The following MCM3 variants were observed in gnomAD, a reference collection of about 807,000 sequenced individuals.
The protein encoded by MCM3 is DNA replication licensing factor MCM3.
MCM3 carries 59 observed loss-of-function variants against 91.3 expected under a neutral mutation model. The observed-to-expected ratio is 0.65, with a 90% CI of 0.52 to 0.80. The LOEUF (loss-of-function observed/expected upper bound fraction) is 0.80. Ranked by LOEUF, MCM3 falls within the 30% of genes least tolerant of loss-of-function variation. MCM3 has a pLI of 0.00. For synonymous variants in MCM3, 383 were observed against 379.6 expected (o/e 1.01, Z -0.10); for missense variants, 919 against 1,035.4 (o/e 0.89, Z 1.54).
At chr6:52,274,343 G>A (rs1430955148) in intron 9 of MCM3, among the ~76,000 whole-genome samples, 2 of 152,118 alleles carry the variant, frequency 1.3e-5, no homozygotes, top group Non-Finnish European at 2.9e-5. Flanking sequence ...GAAGATACAA[G>A]TAAAACCTCA....
Position 52,266,588 on chromosome 6 carries a change from C to G in MCM3, c.2158+23G>C, listed in dbSNP as rs1190797254. The stretch of plus-strand genomic sequence containing the variant: ...CAAGAGTCACAGGAACAACCTCTTT[C>G]ATCAGTAAGTGGGCTCACTCACCTT... On this transcript the variant is annotated intron_variant, in intron 15 of 16. Coordinates refer to ENST00000596288, the MANE Select transcript of MCM3 (RefSeq NM_002388.6). The G allele has an allele frequency of 1.9e-6, 3 of 1,604,072 alleles. No individual in the cohort carries two copies. In the African/African-American group the frequency reaches 4.0e-5, roughly 21 times the overall value.
In MCM3 at chr6:52,277,056, T is replaced by C; in HGVS notation, c.1165+11A>G. 1.2e-6 allele frequency: 2 copies of C among 1,612,460 alleles called. No individual in the cohort carries two copies. The highest frequency in any genetic ancestry group is 1.7e-6 in the Non-Finnish European group (2 of 1,178,892). ...CTGCTGGGCCTTTGCCAAGGACCCT[T>C]ACACCCTTACCTGTTTCCTGGTCTG... On this transcript the variant is annotated intron_variant, in intron 8 of 16. Coordinates refer to ENST00000596288, the MANE Select transcript of MCM3 (RefSeq NM_002388.6).
At chr6:52,273,412 AT>A in intron 10 of MCM3, 56 bp from the exon 11 acceptor site, 1 of 1,587,752 alleles carries the variant, frequency 6.3e-7, no homozygotes, top group Non-Finnish European at 8.6e-7. Flanking sequence ...CCCAGGGGAA[AT>A]TGCTTCTTCT....
In MCM3 at chr6:52,279,495, C is replaced by G. The variant is rs1765886625; in HGVS notation, c.636G>C (p.Gln212His). 1 of 1,614,038 alleles carries G rather than the reference C, an allele frequency of 6.2e-7. No homozygotes were observed. The highest frequency in any genetic ancestry group is 1.3e-5 in the African/African-American group (1 of 74,916). The change falls in exon 5 of 17, where the codon CAG (glutamine) becomes CAC (histidine). Residue 212 changes from glutamine to histidine, a missense_variant. Gln to His is a conservative substitution (Grantham distance 24). Around this residue, in one of 3 missense-constraint regions of MCM3, gnomAD observed 401 missense variants for 402.7 expected, o/e 1.00. Coordinates refer to ENST00000596288, the MANE Select transcript of MCM3 (RefSeq NM_002388.6). Reference protein sequence around the residue: ...QEMPEKAPAGQLPRSVDVILD... With the variant: ...QEMPEKAPAGHLPRSVDVILD... The stretch of plus-strand genomic sequence containing the variant: ...GAATGACGTCCACAGAGCGGGGGAG[C>G]TGGCCGGCTGGGGCCTTCTCCGGCA...
Position 52,264,253 on chromosome 6 carries a change from T to C in MCM3, c.*335A>G, listed in dbSNP as rs939377535. 6 of 246,878 alleles carry C rather than the reference T, an allele frequency of 2.4e-5. No homozygotes were observed. The highest frequency in any genetic ancestry group is 1.1e-4 in the African/African-American group (5 of 44,098). The allele number at this position is 246,878 out of a possible 1,614,324, so 15.3% of individuals were successfully genotyped here. A position where few individuals can be genotyped will look rare whatever the true frequency, so the allele number is the denominator to read the frequency against. ...CAAAAAAACAGCAAACAGAAAACAG[T>C]TGTGCCCCCAAAAGTACTCAGAAGT... On this transcript the variant is annotated 3_prime_UTR_variant, in exon 17 of 17. Coordinates refer to ENST00000596288, the MANE Select transcript of MCM3 (RefSeq NM_002388.6).
intron 12 of MCM3, 21 bp downstream of exon 12, chr6:52,272,280 T>C (rs1171449361): frequency 1.9e-6 from 3 of 1,610,592 alleles, no homozygotes; most frequent in Non-Finnish European, 2.5e-6. Context: ...ACCCCAAGCC[T>C]AGGCTCCCCC....
chr6:52,272,335 C>T lies in MCM3; in HGVS notation c.1793G>A (p.Arg598His), dbSNP rs1765199330. Residue 598 changes from arginine (R) to histidine (H), a missense_variant, in exon 12 of 17, where the codon CGC becomes CAC. Physicochemically the swap from Arg to His is conservative, Grantham distance 29. Coordinates refer to ENST00000596288, the MANE Select transcript of MCM3 (RefSeq NM_002388.6). ...GTCTGAGCTCATGCTATCCTGGCTG[C>T]GCAGGCGTGAATACTCTTCTGCAAT... ...TYIAEEYSRLRSQDSMSSDTA... is the reference protein window; with the variant it reads ...TYIAEEYSRLHSQDSMSSDTA... 1.9e-6 allele frequency: 3 copies of T among 1,614,042 alleles called. No homozygotes were observed. Among genetic ancestry groups the T allele is most frequent in the African/African-American group, 2.7e-5 (2 of 74,928 alleles).
At chr6:52,273,020 C>A (rs912889910) in intron 11 of MCM3, among the ~76,000 whole-genome samples, 4 of 152,144 alleles carry the variant, frequency 2.6e-5, no homozygotes, top group Non-Finnish European at 5.9e-5. Context: ...CCTGAACCTG[C>A]GCTGAATCAC....
At chr6:52,271,588 G>GC in intron 12 of MCM3, among the ~76,000 whole-genome samples, 1 of 152,206 alleles carries the variant, frequency 6.6e-6, no homozygotes, top group South Asian at 2.1e-4. Context: ...ATTGCAGTGA[G>GC]TTGAGATCGC....
chr6:52,278,893 C>T (rs1277303066), intron 5 of MCM3, 43 bp from the exon 6 acceptor site: 2 of 1,404,758 alleles, frequency 1.4e-6, no homozygotes, highest in Non-Finnish European at 2.0e-6. Context: ...ATATTCAATT[C>T]CTAACATCAG....
chr6:52,281,468 G>A (rs908701077), intron 4 of MCM3, among the ~76,000 whole-genome samples: 5 of 151,858 alleles, frequency 3.3e-5, no homozygotes, highest in South Asian at 2.1e-4. Flanking sequence ...TTGAGGCCAC[G>A]ACTTCCAGTC....
intron 3 of MCM3, 78 bp from the exon 4 acceptor site, chr6:52,282,253 TATA>T (rs1387480222): frequency 5.4e-6 from 7 of 1,302,386 alleles, no homozygotes; most frequent in East Asian, 2.3e-5. Flanking sequence ...TATGCAAGCC[TATA>T]ATGACTCCAA....
rs746197518 is a variant in MCM3, at chr6:52,264,680, G to A, written c.2335C>T (p.Pro779Ser). 2.5e-6 allele frequency: 4 copies of A among 1,614,174 alleles called. No individual in the cohort carries two copies. Among genetic ancestry groups the A allele is most frequent in the South Asian group, 1.1e-5 (1 of 91,078 alleles). The change falls in exon 17 of 17, where the codon CCC (proline) becomes TCC (serine). Residue 779 changes from proline to serine, a missense_variant. Around this residue, in one of 3 missense-constraint regions of MCM3, gnomAD observed 285 missense variants for 311.4 expected, o/e 0.92. Coordinates refer to ENST00000596288, the MANE Select transcript of MCM3 (RefSeq NM_002388.6). ...GCCTGGATCTCAACTGAAGAGAAGG[G>A]CTCTTCGCTGTCCCGGTTGATGGAT... ...TESINRDSEE[P>S]FSSVEIQAAL...
At chr6:52,270,778 C>A (rs1765067088) in intron 12 of MCM3, among the ~76,000 whole-genome samples, 1 of 152,200 alleles carries the variant, frequency 6.6e-6, no homozygotes, top group South Asian at 2.1e-4. Flanking sequence ...AGAAAGTAAG[C>A]TGTTTAATGA....
Position 52,273,888 on chromosome 6 carries a change from T to C in MCM3, c.1403A>G (p.Asn468Ser). 6.2e-7 allele frequency: 1 copy of C among 1,613,970 alleles called. No homozygotes were observed. The highest frequency in any genetic ancestry group is 8.5e-7 in the Non-Finnish European group (1 of 1,179,864). Reference protein sequence around the residue: ...RYDQYKTPMENIGLQDSLLSR... With the variant: ...RYDQYKTPMESIGLQDSLLSR... ...CAGCAGTGAGTCCTGTAGCCCAATG[T>C]TCTCCATTGGAGTCTTATACTGGTC... is the stretch of plus-strand genomic sequence containing the variant. The change falls in exon 10 of 17, where the codon AAC becomes AGC. Residue 468 changes from asparagine (N) to serine (S), a missense_variant. Asn to Ser is a conservative substitution (Grantham distance 46). Around this residue, in one of 3 missense-constraint regions of MCM3, gnomAD observed 233 missense variants for 321.2 expected, o/e 0.73. Transcript: ENST00000596288.
intron 3 of MCM3, among the ~76,000 whole-genome samples, chr6:52,282,401 T>C (rs1766184025): frequency 6.6e-6 from 1 of 152,234 alleles, no homozygotes; most frequent in Non-Finnish European, 1.5e-5. Flanking sequence ...TAGGTGGAGT[T>C]AGAGGTTGGA....
At chr6:52,274,475 T>A (rs1381460700) in intron 9 of MCM3, among the ~76,000 whole-genome samples, 1 of 151,870 alleles carries the variant, frequency 6.6e-6, no homozygotes, top group East Asian at 1.9e-4. Context: ...AGCCCAGGAG[T>A]TCGAGACCAG....
chr6:52,273,933 C>T lies in MCM3; in HGVS notation c.1375-17G>A, dbSNP rs939048664. On this transcript the variant is annotated splice_polypyrimidine_tract_variant and intron_variant, in intron 9 of 16. Coordinates refer to ENST00000596288, the MANE Select transcript of MCM3 (RefSeq NM_002388.6). ...CTGGTCATACTGGGGAATGCGAGGA[C>T]AACAGAAGTGGACATGACATCAATA... 6.3e-6 allele frequency: 10 copies of T among 1,591,392 alleles called. No individual in the cohort carries two copies. The highest frequency in any genetic ancestry group is 8.6e-6 in the Non-Finnish European group (10 of 1,165,424).
At chr6:52,270,051 C>T (rs17246535) in intron 12 of MCM3, among the ~76,000 whole-genome samples, 12 of 152,086 alleles carry the variant, frequency 7.9e-5, no homozygotes, top group East Asian at 5.8e-4. Context: ...CCAGCCCGGA[C>T]GTGGTGGCTC....
Sources: allele counts gnomAD v4.1 joint callset (sites outside exome capture counted in the v4.1 genomes callset), GRCh38; gene constraint gnomAD v4.1.1; regional missense constraint gnomAD v4.1.1; transcripts MANE v1.5; gene names NCBI Gene and HGNC (gene_info 2026-07-23, HGNC 2026-07-21).